The following CLEC2D variants were observed in gnomAD, a reference collection of about 807,000 sequenced individuals.
The protein encoded by CLEC2D is C-type lectin domain family 2 member D, also known as C-type lectin related f.
In CLEC2D, 16 loss-of-function variants were observed where a neutral mutation model predicts 20.0. That is an observed-to-expected ratio of 0.80 (90% CI 0.54 to 1.22). CLEC2D has a LOEUF of 1.22. Among genes scored for constraint, CLEC2D ranks in the 50% most tolerant of loss-of-function variants. CLEC2D has a pLI of 0.00. For synonymous variants in CLEC2D, 77 were observed against 71.1 expected (o/e 1.08, Z -0.42); for missense variants, 207 against 221.5 (o/e 0.93, Z 0.42).
At chr12:9,685,415 T>C (rs1490372624) in intron 2 of CLEC2D, among the ~76,000 whole-genome samples, 1 of 152,206 alleles carries the variant, frequency 6.6e-6, no homozygotes, top group Non-Finnish European at 1.5e-5. Flanking sequence ...CAGGAATGTT[T>C]AAGTCTCCTG....
At chr12:9,693,524 TTG>T in intron 4 of CLEC2D, 1 of 177,362 alleles carries the variant, frequency 5.6e-6, no homozygotes, top group South Asian at 1.1e-4. Flanking sequence ...AGCTACTTTA[TTG>T]TAATACATTC....
chr12:9,691,951 TTTAA>T (rs1865873117), intron 3 of CLEC2D, among the ~76,000 whole-genome samples: 1 of 152,136 alleles, frequency 6.6e-6, no homozygotes, highest in Non-Finnish European at 1.5e-5. Flanking sequence ...TGTTTATATA[TTTAA>T]TTGCGTTAAA....
In CLEC2D at chr12:9,697,181, T is replaced by A. The variant is rs1450577910; in HGVS notation, c.*2307T>A. 2 of 152,114 alleles carry A rather than the reference T, an allele frequency of 1.3e-5. No homozygotes were observed. The highest frequency in any genetic ancestry group is 4.8e-5 in the African/African-American group (2 of 41,440). The allele number at this position is 152,114 out of a possible 1,614,324, so 9.4% of individuals were successfully genotyped here. A position where few individuals can be genotyped will look rare whatever the true frequency, so the allele number is the denominator to read the frequency against. ...AAAATCTCTGCAGCACTGTGACATG[T>A]TAGTGATGGCCATAACACCCACGCT... is the stretch of plus-strand genomic sequence containing the variant. On this transcript the variant is annotated 3_prime_UTR_variant, in exon 5 of 5. Coordinates refer to ENST00000290855, the MANE Select transcript of CLEC2D (RefSeq NM_013269.6).
chr12:9,670,982 A>G (rs1214566585), intron 1 of CLEC2D, among the ~76,000 whole-genome samples: 1 of 152,156 alleles, frequency 6.6e-6, no homozygotes, highest in Non-Finnish European at 1.5e-5. Context: ...GTCTCTTTCT[A>G]AAGTTTCTTC....
chr12:9,678,776 A>G (rs1396322174), intron 1 of CLEC2D, among the ~76,000 whole-genome samples: 1 of 152,176 alleles, frequency 6.6e-6, no homozygotes, highest in Non-Finnish European at 1.5e-5. Context: ...TCTGGCCTCA[A>G]ATGATCCTCC....
chr12:9,678,502 C>T (rs906284473), intron 1 of CLEC2D, among the ~76,000 whole-genome samples: 1 of 151,860 alleles, frequency 6.6e-6, no homozygotes, highest in African/African-American at 2.4e-5. Context: ...TTTCTGTTTT[C>T]TATTTGTTGC....
chr12:9,680,556 T>G (rs1290375079), intron 1 of CLEC2D, among the ~76,000 whole-genome samples: 2 of 152,230 alleles, frequency 1.3e-5, no homozygotes, highest in Admixed American at 6.5e-5. Context: ...AATCGATAGA[T>G]TTCCTCTTAA....
chr12:9,680,364 T>TA (rs1865609478), intron 1 of CLEC2D: 1 of 167,290 alleles, frequency 6.0e-6, no homozygotes, highest in Non-Finnish European at 1.3e-5. Context: ...GATGGACTAA[T>TA]ACAACTGCTA....
chr12:9,682,418 C>T (rs7962025), intron 2 of CLEC2D, among the ~76,000 whole-genome samples: 129,710 of 152,028 alleles, frequency 0.85, 55,955 homozygotes, highest in East Asian at 0.97. Context: ...GTGCAGAACC[C>T]GCAGGTTCGT....
intron 2 of CLEC2D, among the ~76,000 whole-genome samples, chr12:9,682,109 C>T (rs767114547): frequency 2.6e-5 from 4 of 152,186 alleles, no homozygotes; most frequent in Non-Finnish European, 5.9e-5. Context: ...TGTTTCTCTT[C>T]CTTTCAGCTA....
At chr12:9,690,800 C>T (rs1243726425) in intron 3 of CLEC2D, among the ~76,000 whole-genome samples, 1 of 151,532 alleles carries the variant, frequency 6.6e-6, no homozygotes, top group East Asian at 1.9e-4. Flanking sequence ...TATAAAAAAC[C>T]AATTAAATAC....
At chr12:9,681,190 T>A (rs1339003231) in intron 2 of CLEC2D, 157 bp downstream of exon 2, 2 of 519,880 alleles carry the variant, frequency 3.8e-6, no homozygotes, top group African/African-American at 1.9e-5. Context: ...CCAAAAATTT[T>A]AATTATGTAA....
intron 3 of CLEC2D, 28 bp from the exon 4 acceptor site, chr12:9,692,800 T>C (rs1263736882): frequency 6.8e-7 from 1 of 1,473,184 alleles, no homozygotes; most frequent in Non-Finnish European, 9.4e-7. Flanking sequence ...GTTAGATTAA[T>C]GAATATCATC....
At chr12:9,690,017 T>C (rs1262797038) in intron 3 of CLEC2D, among the ~76,000 whole-genome samples, 1 of 151,924 alleles carries the variant, frequency 6.6e-6, no homozygotes, top group Non-Finnish European at 1.5e-5. Context: ...AGAGGCTCAA[T>C]GAACTCCAAA....
chr12:9,675,191 C>CTTTTTT (rs56363104), intron 1 of CLEC2D, among the ~76,000 whole-genome samples: 2 of 130,220 alleles, frequency 1.5e-5, no homozygotes, highest in African/African-American at 2.8e-5. Context: ...TTGTCTATTC[C>CTTTTTT]TTTTTTTTTT....
rs377543904 is a variant in CLEC2D at position 9,691,858 on chromosome 12, CA to C, written c.358-965del. 2.0e-3 allele frequency among the ~76,000 whole-genome samples: 299 copies of C among 152,100 alleles called. 2 individuals carry two copies. Among genetic ancestry groups the C allele is most frequent in the African/African-American group, 6.9e-3 (288 of 41,522 alleles). Reference sequence around the variant, plus strand: ...CTGTAAGGAACTAAAAAAAGTAAAACAAAAATAGAAGTCATCTTTATGATTT... The same window carrying C: ...CTGTAAGGAACTAAAAAAAGTAAAACAAAATAGAAGTCATCTTTATGATTT... On this transcript the variant is annotated intron_variant, in intron 3 of 4. Coordinates refer to ENST00000290855, the MANE Select transcript of CLEC2D (RefSeq NM_013269.6).
Position 9,695,923 on chromosome 12 carries a change from A to G in CLEC2D, c.*1049A>G. 7.3e-7 allele frequency: 1 copy of G among 1,364,212 alleles called. No homozygotes were observed. The highest frequency in any genetic ancestry group is 1.0e-6 in the Non-Finnish European group (1 of 967,244). 84.5% of individuals were successfully genotyped at this position (1,364,212 alleles called of 1,614,324 possible). A position where few individuals can be genotyped will look rare whatever the true frequency, so the allele number is the denominator to read the frequency against. ...GGAAGCTGAAGAAAAAGCGCCAGTGAAGAAATCTATACGAGATACTCCAGC... is the reference window on the plus strand; with the variant it reads ...GGAAGCTGAAGAAAAAGCGCCAGTGGAGAAATCTATACGAGATACTCCAGC... On this transcript the variant is annotated 3_prime_UTR_variant, in exon 5 of 5. Coordinates refer to ENST00000290855, the MANE Select transcript of CLEC2D (RefSeq NM_013269.6).
intron 4 of CLEC2D, 185 bp downstream of exon 4, chr12:9,693,116 G>T: frequency 4.3e-6 from 7 of 1,610,182 alleles, no homozygotes; most frequent in Non-Finnish European, 6.0e-6. Context: ...ACCTGTCATG[G>T]TGAGGTAGAC....
rs1194165101 is a variant in CLEC2D, at chr12:9,699,036, CACAA to C, written c.*4165_*4168del. ...TTAACCCACCTGGATAGATTTTTCT[CACAA>C]ACCATTGTCTTCTCTGCAAGCCCAG... On this transcript the variant is annotated 3_prime_UTR_variant, in exon 5 of 5. Coordinates refer to ENST00000290855, the MANE Select transcript of CLEC2D (RefSeq NM_013269.6). 6.6e-6 allele frequency: 1 copy of C among 152,142 alleles called. No individual in the cohort carries two copies. Among genetic ancestry groups the C allele is most frequent in the African/African-American group, 2.4e-5 (1 of 41,434 alleles). The allele number at this position is 152,142 out of a possible 1,614,324, so 9.4% of individuals were successfully genotyped here.
Sources: gnomAD v4.1 joint callset for allele counts (sites outside exome capture counted in the v4.1 genomes callset) on GRCh38, gnomAD v4.1.1 for gene constraint, MANE v1.5 for transcripts, NCBI Gene and HGNC (gene_info 2026-07-23, HGNC 2026-07-21) for gene names.